SDK1: variants seen among roughly 807,000 people sequenced by gnomAD.
SDK1 encodes protein sidekick-1.
A neutral mutation model predicts 245.5 loss-of-function variants in SDK1; 157 were observed. That is an observed-to-expected ratio of 0.64 (90% confidence interval 0.56 to 0.73). The LOEUF is 0.73. Among genes scored for constraint, SDK1 ranks in the 30% least tolerant of loss-of-function variants. SDK1 has a pLI of 0.00. For synonymous variants in SDK1, 1,647 were observed against 1,278.5 expected, an observed-to-expected ratio of 1.29 and a Z score of -6.15; for missense variants, 3,583 against 3,002.3, an observed-to-expected ratio of 1.19 and a Z score of -4.52.
chr7:3,511,800 T>G (rs1273756495), intron 1 of SDK1, among the ~76,000 whole-genome samples: 1 of 74,384 alleles, frequency 1.3e-5, no homozygotes, highest in East Asian at 4.4e-4. Context: ...TTGTTTTTTG[T>G]TTTTTTTTAA....
chr7:3,929,329 G>A (rs1779893337), intron 5 of SDK1, among the ~76,000 whole-genome samples: 1 of 152,204 alleles, frequency 6.6e-6, no homozygotes, highest in African/African-American at 2.4e-5. Context: ...TAATCTGCCA[G>A]CTTGAACACG....
intron 44 of SDK1, among the ~76,000 whole-genome samples, chr7:4,248,728 A>G (rs1787086054): frequency 6.6e-6 from 1 of 152,094 alleles, no homozygotes; most frequent in Non-Finnish European, 1.5e-5. Context: ...ACACGCACAT[A>G]CCCAAATATG....
At chr7:3,392,480 A>G (rs965738603) in intron 1 of SDK1, among the ~76,000 whole-genome samples, 2 of 152,056 alleles carry the variant, frequency 1.3e-5, no homozygotes, top group African/African-American at 2.4e-5. Flanking sequence ...AGAATTTGTC[A>G]TTTTAACCAT....
At chr7:4,220,046 G>A in intron 38 of SDK1, 63 bp from the exon 39 acceptor site, 1 of 1,566,798 alleles carries the variant, frequency 6.4e-7, no homozygotes, top group Non-Finnish European at 8.7e-7. Context: ...CAACAGAACA[G>A]ACAGTGGACA....
intron 1 of SDK1, among the ~76,000 whole-genome samples, chr7:3,323,817 T>C (rs1779876551): frequency 6.6e-6 from 1 of 152,232 alleles, no homozygotes; most frequent in Non-Finnish European, 1.5e-5. Flanking sequence ...TTCCAGAGTA[T>C]GGGGCAGAAC....
At chr7:3,991,091 TC>T (rs1784275589) in intron 14 of SDK1, among the ~76,000 whole-genome samples, 1 of 152,198 alleles carries the variant, frequency 6.6e-6, no homozygotes, top group Non-Finnish European at 1.5e-5. Context: ...CGTCGCACGT[TC>T]CCGGCTAGGT....
At chr7:4,189,286 A>G (rs1783057311) in intron 35 of SDK1, among the ~76,000 whole-genome samples, 3 of 144,412 alleles carry the variant, frequency 2.1e-5, no homozygotes, top group South Asian at 2.1e-4. Flanking sequence ...GAGCCTGGGT[A>G]TTGTAATGGC....
chr7:3,741,987 C>T (rs999106530), intron 4 of SDK1, among the ~76,000 whole-genome samples: 9 of 132,120 alleles, frequency 6.8e-5, no homozygotes, highest in African/African-American at 1.7e-4. Context: ...TTGTAGTGTG[C>T]ATATATATAT....
rs11975516 is a variant in SDK1 at position 3,657,005 on chromosome 7, C to T, written c.713+14900C>T. ...CTCATGATCCACCCGCCTCGGCCTC[C>T]CAAAGTGCTGGGATTACAGGCGTGA... On this transcript the variant is annotated intron_variant, in intron 4 of 44. Coordinates refer to ENST00000404826, the MANE Select transcript of SDK1 (RefSeq NM_152744.4). 5.7e-3 allele frequency among the ~76,000 whole-genome samples: 861 copies of T among 152,204 alleles called. 12 individuals carry two copies. Among genetic ancestry groups the T allele is most frequent in the African/African-American group, 0.019 (797 of 41,528 alleles).
chr7:3,387,794 T>C (rs1248483797), intron 1 of SDK1, among the ~76,000 whole-genome samples: 3 of 152,198 alleles, frequency 2.0e-5, no homozygotes, highest in Non-Finnish European at 4.4e-5. Flanking sequence ...CTTGATAAAG[T>C]CCATGCAGTG....
chr7:3,610,659 A>C (rs1018449078), intron 1 of SDK1, among the ~76,000 whole-genome samples: 1 of 152,216 alleles, frequency 6.6e-6, no homozygotes, highest in Non-Finnish European at 1.5e-5. Context: ...GATTAATCTC[A>C]CTGGAAGCTT....
chr7:3,733,140 G>A lies in SDK1; in HGVS notation c.714-88310G>A, dbSNP rs112500103. ...GTTTGACAAGTTTCTTGGAAAGAAC[G>A]TTAGGTAACTATGGATGGCTCCCTG... On this transcript the variant is annotated intron_variant, in intron 4 of 44. Coordinates refer to ENST00000404826, the MANE Select transcript of SDK1 (RefSeq NM_152744.4). 1.3e-4 allele frequency among the ~76,000 whole-genome samples: 20 copies of A among 152,268 alleles called. 1 individual carries two copies. In the South Asian group the frequency reaches 2.7e-3, roughly 20 times the overall value.
At chr7:3,480,755 A>G (rs950288675) in intron 1 of SDK1, among the ~76,000 whole-genome samples, 68 of 152,346 alleles carry the variant, frequency 4.5e-4, no homozygotes, top group African/African-American at 1.5e-3. Context: ...TTACGTTGAC[A>G]GGGGCTATGA....
chr7:3,581,193 A>C (rs1780476634), intron 1 of SDK1, among the ~76,000 whole-genome samples: 1 of 152,136 alleles, frequency 6.6e-6, no homozygotes, highest in South Asian at 2.1e-4. Context: ...AATAGGAGAA[A>C]ATATTGGCTA....
chr7:3,787,785 C>T (rs910531584), intron 4 of SDK1, among the ~76,000 whole-genome samples: 3 of 152,184 alleles, frequency 2.0e-5, no homozygotes, highest in Non-Finnish European at 4.4e-5. Flanking sequence ...TCAACTCTCT[C>T]TGCTGTCCCT....
rs537657688 is a variant in SDK1 at position 4,007,266 on chromosome 7, C to T, written c.2132-3700C>T. ...TTACCGGGGGCTGGTAGCCTCAGAGCGGGTTTCACTCTAAGGTTCAAGAGC... is the reference window on the plus strand; with the variant it reads ...TTACCGGGGGCTGGTAGCCTCAGAGTGGGTTTCACTCTAAGGTTCAAGAGC... On this transcript the variant is annotated intron_variant, in intron 14 of 44. Transcript: ENST00000404826. Among the ~76,000 whole-genome samples the T allele has an allele frequency of 3.9e-4, 60 of 152,252 alleles. 1 individual carries two copies. The highest frequency in any genetic ancestry group is 2.5e-3 in the Admixed American group (38 of 15,300).
chr7:3,951,132 C>T, intron 6 of SDK1, 98 bp downstream of exon 6: 1 of 907,554 alleles, frequency 1.1e-6, no homozygotes, highest in South Asian at 1.5e-5. Flanking sequence ...GTTCAGCCTT[C>T]TAGCGACAGT....
chr7:3,806,105 A>G (rs1309921595), intron 4 of SDK1, among the ~76,000 whole-genome samples: 1 of 152,172 alleles, frequency 6.6e-6, no homozygotes, highest in Non-Finnish European at 1.5e-5. Context: ...CACCATCTTC[A>G]AAGTCAGCAG....
chr7:4,222,982 C>G (rs942472162), intron 40 of SDK1, among the ~76,000 whole-genome samples: 1 of 151,816 alleles, frequency 6.6e-6, no homozygotes, highest in Non-Finnish European at 1.5e-5. Flanking sequence ...GCAGCCCAGA[C>G]TTAAGAAACC....
Sources: allele counts gnomAD v4.1 joint callset (sites outside exome capture counted in the v4.1 genomes callset), GRCh38; gene constraint gnomAD v4.1.1; transcripts MANE v1.5; gene names NCBI Gene and HGNC (gene_info 2026-07-23, HGNC 2026-07-21).